ARL5A: variants seen among roughly 807,000 people sequenced by gnomAD.
ARL5A encodes the protein ADP-ribosylation factor-like protein 5A.
ARL5A carries 18 observed loss-of-function variants against 25.9 expected under a neutral mutation model. The observed-to-expected ratio is 0.69, with a 90% CI of 0.48 to 1.03. ARL5A has a LOEUF of 1.03. Ranked by LOEUF, ARL5A falls within the 50% of genes least tolerant of loss-of-function variation. The pLI is 0.00. For missense variants in ARL5A, 170 were observed against 211.9 expected (o/e 0.80, Z 1.23); for synonymous variants, 61 against 67.5 (o/e 0.90, Z 0.47).
At chr2:151,805,995 T>C (rs1035254106) in intron 5 of ARL5A, among the ~76,000 whole-genome samples, 1 of 152,156 alleles carries the variant, frequency 6.6e-6, no homozygotes, top group Non-Finnish European at 1.5e-5. Flanking sequence ...CTATTTTTGC[T>C]TCCTAAAATC....
At chr2:151,808,993 A>C (rs2099830477) in intron 4 of ARL5A, among the ~76,000 whole-genome samples, 1 of 152,228 alleles carries the variant, frequency 6.6e-6, no homozygotes, top group Non-Finnish European at 1.5e-5. Flanking sequence ...GGTTGCAGCG[A>C]GCAAAGATAG....
chr2:151,810,445 C>T (rs1233501578), intron 4 of ARL5A: 3 of 346,440 alleles, frequency 8.7e-6, no homozygotes, highest in Non-Finnish European at 1.7e-5. Context: ...CTTGACCCTA[C>T]TGAGTACCTT....
chr2:151,821,775 C>CTTTTTT (rs760341359), intron 1 of ARL5A, among the ~76,000 whole-genome samples: 5 of 113,540 alleles, frequency 4.4e-5, no homozygotes, highest in African/African-American at 1.4e-4. Flanking sequence ...GCCCGGCTTT[C>CTTTTTT]TTTTTTTTTT....
chr2:151,826,650 T>C (rs1360101834), intron 1 of ARL5A, among the ~76,000 whole-genome samples: 1 of 152,214 alleles, frequency 6.6e-6, no homozygotes, highest in Non-Finnish European at 1.5e-5. Flanking sequence ...ATAAGTACCA[T>C]CAGTCTTACA....
chr2:151,810,102 A>C (rs576609452), intron 4 of ARL5A, among the ~76,000 whole-genome samples: 58 of 152,242 alleles, frequency 3.8e-4, no homozygotes, highest in East Asian at 2.7e-3. Flanking sequence ...ACAACAAAAA[A>C]AAAAACTTCA....
intron 4 of ARL5A, among the ~76,000 whole-genome samples, chr2:151,811,972 T>C (rs1425634397): frequency 6.6e-6 from 1 of 152,224 alleles, no homozygotes; most frequent in Non-Finnish European, 1.5e-5. Flanking sequence ...ATTTAAATAT[T>C]AGTCTGCTGA....
chr2:151,823,883 T>C (rs953524591), intron 1 of ARL5A, among the ~76,000 whole-genome samples: 2 of 152,214 alleles, frequency 1.3e-5, no homozygotes, highest in Admixed American at 1.3e-4. Flanking sequence ...AGCCAGGCCT[T>C]GGAGACGGTG....
In ARL5A at chr2:151,812,279, C is replaced by T. The variant is rs893554282; in HGVS notation, c.339+78G>A. On this transcript the variant is annotated intron_variant, in intron 4 of 5. Transcript: ENST00000295087. Reference sequence around the variant, plus strand: ...TTTAAAAATTTGAAATTGATAGCACCCTCATGAGAAACTAGAAAACAAAGT... The same window carrying T: ...TTTAAAAATTTGAAATTGATAGCACTCTCATGAGAAACTAGAAAACAAAGT... The T allele has an allele frequency of 2.1e-5, 21 of 1,006,482 alleles. No individual in the cohort carries two copies. In the African/African-American group the frequency reaches 3.3e-4, roughly 16 times the overall value. 62.3% of individuals were successfully genotyped at this position (1,006,482 alleles called of 1,614,324 possible). A position where few individuals can be genotyped will look rare whatever the true frequency, so the allele number is the denominator to read the frequency against.
rs1031891985 is a variant in ARL5A at position 151,802,955 on chromosome 2, T to A, written c.*321A>T. The A allele has an allele frequency of 3.1e-5, 7 of 225,148 alleles. No homozygotes were observed. The highest frequency in any genetic ancestry group is 6.1e-5 in the Non-Finnish European group (7 of 115,492). 13.9% of individuals were successfully genotyped at this position (225,148 alleles called of 1,614,324 possible). ...AACATTCAACTAGGGAGGGTTAAACTGATAATAAAGCTCTTAAAATTCAAA... is the reference window on the plus strand; with the variant it reads ...AACATTCAACTAGGGAGGGTTAAACAGATAATAAAGCTCTTAAAATTCAAA... On this transcript the variant is annotated 3_prime_UTR_variant, in exon 6 of 6. Transcript: ENST00000295087.
At chr2:151,814,864 C>T (rs1157668428) in intron 2 of ARL5A, among the ~76,000 whole-genome samples, 1 of 152,126 alleles carries the variant, frequency 6.6e-6, no homozygotes, top group Non-Finnish European at 1.5e-5. Flanking sequence ...GCATGAGGCA[C>T]CGCACCCGGC....
At chr2:151,811,785 T>G (rs928695509) in intron 4 of ARL5A, among the ~76,000 whole-genome samples, 4 of 152,118 alleles carry the variant, frequency 2.6e-5, no homozygotes, top group African/African-American at 2.4e-5. Context: ...GTTGCTCAGC[T>G]GGTCTTGAAC....
In ARL5A at chr2:151,819,294, G is replaced by T. The variant is rs535967499; in HGVS notation, c.47-4095C>A. Among the ~76,000 whole-genome samples the T allele has an allele frequency of 2.1e-4, 32 of 152,246 alleles. 1 individual carries two copies. The South Asian group carries it at 6.2e-3, about 30-fold the overall frequency. On this transcript the variant is annotated intron_variant, in intron 1 of 5. Coordinates refer to ENST00000295087, the MANE Select transcript of ARL5A (RefSeq NM_012097.4). ...CATTTTTTCAAAATAGTTTGCTACGGTTCTTTTATAATTGCTTTCAGAGCC... is the reference window on the plus strand; with the variant it reads ...CATTTTTTCAAAATAGTTTGCTACGTTTCTTTTATAATTGCTTTCAGAGCC...
At chr2:151,812,205 G>GGA (rs971964284) in intron 4 of ARL5A, 152 bp downstream of exon 4, 7 of 471,344 alleles carry the variant, frequency 1.5e-5, no homozygotes, top group Admixed American at 7.9e-5. Flanking sequence ...TTCCAAACTG[G>GGA]GAGATGTCAG....
At chr2:151,805,026 C>T (rs112695215) in intron 5 of ARL5A, among the ~76,000 whole-genome samples, 29 of 152,182 alleles carry the variant, frequency 1.9e-4, no homozygotes, top group African/African-American at 7.0e-4. Flanking sequence ...ATTTTCCATA[C>T]AATTATCAAA....
At chr2:151,828,105 GT>G (rs763384502) in intron 1 of ARL5A, 25 bp downstream of exon 1, 7 of 1,604,958 alleles carry the variant, frequency 4.4e-6, no homozygotes, top group Non-Finnish European at 5.1e-6. Flanking sequence ...TCCCCAACCC[GT>G]ACGCCCGCGG....
intron 2 of ARL5A, 49 bp from the exon 3 acceptor site, chr2:151,814,365 G>A (rs747532785): frequency 7.1e-7 from 1 of 1,414,956 alleles, no homozygotes; most frequent in South Asian, 1.6e-5. Context: ...AAGCTAACTT[G>A]CTTGAACAAT....
rs2099829618 is a variant in ARL5A at position 151,802,900 on chromosome 2, T to G, written c.*376A>C. On this transcript the variant is annotated 3_prime_UTR_variant, in exon 6 of 6. Coordinates refer to ENST00000295087, the MANE Select transcript of ARL5A (RefSeq NM_012097.4). ...ACATTCGAATATCTGTGCTGATTTG[T>G]ATTCTGACTTAATGGAACAAGAAGA... 1 of 167,138 alleles carries G rather than the reference T, an allele frequency of 6.0e-6. No homozygotes were observed. Among genetic ancestry groups the G allele is most frequent in the Non-Finnish European group, 1.2e-5 (1 of 80,412 alleles). 10.4% of individuals were successfully genotyped at this position (167,138 alleles called of 1,614,324 possible).
Position 151,821,680 on chromosome 2 carries a change from A to G in ARL5A, c.46+6451T>C, listed in dbSNP as rs566011125. ...AGTGCAGTGGTGTGAGCTTGGCTCAATGAAACCTCTACCTCCCAGGTTCAA... is the reference window on the plus strand; with the variant it reads ...AGTGCAGTGGTGTGAGCTTGGCTCAGTGAAACCTCTACCTCCCAGGTTCAA... On this transcript the variant is annotated intron_variant, in intron 1 of 5. Coordinates refer to ENST00000295087, the MANE Select transcript of ARL5A (RefSeq NM_012097.4). Among the ~76,000 whole-genome samples, 24 of 151,974 alleles carry G rather than the reference A, an allele frequency of 1.6e-4. No individual in the cohort carries two copies. In the South Asian group the frequency reaches 3.7e-3, roughly 24 times the overall value.
chr2:151,804,560 T>C (rs1473461192), intron 5 of ARL5A, among the ~76,000 whole-genome samples: 3 of 152,190 alleles, frequency 2.0e-5, no homozygotes, highest in Non-Finnish European at 4.4e-5. Context: ...ACTTTTCTCC[T>C]GTGACTAGAT....
Sources: gnomAD v4.1 joint callset for allele counts (sites outside exome capture counted in the v4.1 genomes callset) on GRCh38, gnomAD v4.1.1 for gene constraint, MANE v1.5 for transcripts, NCBI Gene and HGNC (gene_info 2026-07-23, HGNC 2026-07-21) for gene names.